The following ITGAX variants were observed in gnomAD, a reference collection of about 807,000 sequenced individuals.
ITGAX encodes the protein integrin subunit alpha X.
In ITGAX, 99 loss-of-function variants were observed where a neutral mutation model predicts 140.2. That is an observed-to-expected ratio of 0.71 (90% CI 0.60 to 0.83). The LOEUF (loss-of-function observed/expected upper bound fraction) is 0.83. Ranked by LOEUF, ITGAX falls within the 40% of genes least tolerant of loss-of-function variation. The probability of loss-of-function intolerance (pLI) is 0.00; values close to 1 mark genes in which losing one functional copy is unlikely to be tolerated. For synonymous variants in ITGAX, 631 were observed against 600.4 expected, an observed-to-expected ratio of 1.05 and a Z score of -0.75; for missense variants, 1,444 against 1,482.0, an observed-to-expected ratio of 0.97 and a Z score of 0.42.
Position 31,362,179 on chromosome 16 carries a change from T to C in ITGAX, c.1191T>C (p.Asn397=), listed in dbSNP as rs202066072. Residue 397 remains asparagine (N), a synonymous_variant, in exon 11 of 30, where the codon AAT becomes AAC. Transcript: ENST00000268296. ...CCTTCATCAACATGTCTCAGGAGAA[T>C]GTGGACATGAGGGACTCTTACCTGG... ...SPTFINMSQE[N]VDMRDSYLGY... The C allele has an allele frequency of 4.8e-5, 77 of 1,613,820 alleles. No homozygotes were observed. The highest frequency in any genetic ancestry group is 6.3e-5 in the Non-Finnish European group (74 of 1,179,928).
intron 17 of ITGAX, 122 bp downstream of exon 17, chr16:31,371,906 G>A: frequency 2.5e-6 from 3 of 1,196,694 alleles, no homozygotes; most frequent in Non-Finnish European, 2.3e-6. Context: ...CAGCCATGCA[G>A]GACGTGCTTA....
In ITGAX at chr16:31,380,077, T is replaced by C; in HGVS notation, c.3060+12T>C. 6.2e-7 allele frequency: 1 copy of C among 1,612,006 alleles called. No homozygotes were observed. The highest frequency in any genetic ancestry group is 8.5e-7 in the Non-Finnish European group (1 of 1,178,186). ...AGAATCCCGTGCTGGTGAGGAGGGC[T>C]CTGGGCTGGCCCTCACTGTAGGCCC... On this transcript the variant is annotated intron_variant, in intron 26 of 29. Transcript: ENST00000268296.
chr16:31,379,674 G>C, intron 24 of ITGAX, 28 bp downstream of exon 24: 1 of 1,571,164 alleles, frequency 6.4e-7, no homozygotes, highest in Non-Finnish European at 8.6e-7. Flanking sequence ...AGGAGACTGG[G>C]CTGGGGTGGG....
In ITGAX at chr16:31,355,937, A is replaced by G. The variant is rs2080754782; in HGVS notation, c.82A>G (p.Thr28Ala). 2 of 1,613,914 alleles carry G rather than the reference A, an allele frequency of 1.2e-6. No individual in the cohort carries two copies. Among genetic ancestry groups the G allele is most frequent in the Non-Finnish European group, 1.7e-6 (2 of 1,179,880 alleles). The change falls in exon 2 of 30, where the codon ACA becomes GCA. Residue 28 changes from threonine (T) to alanine (A), a missense_variant. Coordinates refer to ENST00000268296, the MANE Select transcript of ITGAX (RefSeq NM_000887.5). Reference protein sequence around the residue: ...LGFNLDTEELTAFRVDSAGFG... With the variant: ...LGFNLDTEELAAFRVDSAGFG... Reference sequence around the variant, plus strand: ...TTTCAACTTGGACACAGAGGAGCTGACAGCCTTCCGTGTGGACAGCGCTGG... The same window carrying G: ...TTTCAACTTGGACACAGAGGAGCTGGCAGCCTTCCGTGTGGACAGCGCTGG...
At position 31,382,385 on chromosome 16, in the gene ITGAX, A is replaced by G; in HGVS notation, c.*478A>G. The G allele has an allele frequency of 1.3e-6, 2 of 1,501,280 alleles. No homozygotes were observed. The highest frequency in any genetic ancestry group is 2.4e-5 in the South Asian group (2 of 83,320). 93.0% of individuals were successfully genotyped at this position (1,501,280 alleles called of 1,614,324 possible). A position where few individuals can be genotyped will look rare whatever the true frequency, so the allele number is the denominator to read the frequency against. On this transcript the variant is annotated 3_prime_UTR_variant, in exon 30 of 30. Coordinates refer to ENST00000268296, the MANE Select transcript of ITGAX (RefSeq NM_000887.5). Reference sequence around the variant, plus strand: ...CTCAGCCTCCTGAGTAGCTGGGACTACAGGCACACGCCACCTCGCCCGGCC... The same window carrying G: ...CTCAGCCTCCTGAGTAGCTGGGACTGCAGGCACACGCCACCTCGCCCGGCC...
intron 14 of ITGAX, among the ~76,000 whole-genome samples, chr16:31,369,727 C>T (rs1008074154): frequency 6.6e-6 from 1 of 152,186 alleles, no homozygotes; most frequent in Non-Finnish European, 1.5e-5. Flanking sequence ...TAGACTCCCT[C>T]AGTAATTGGT....
rs1212314515 is a variant in ITGAX, at chr16:31,363,306, G to A, written c.1642G>A (p.Glu548Lys). The change falls in exon 14 of 30, where the codon GAG (glutamate) becomes AAG (lysine). Residue 548 changes from glutamate to lysine, a missense_variant. Coordinates refer to ENST00000268296, the MANE Select transcript of ITGAX (RefSeq NM_000887.5). ...GGTCATCGGGGCCCCAGGAGAGGAGGAGAACCGGGGTGCTGTCTACCTGTT... is the reference window on the plus strand; with the variant it reads ...GGTCATCGGGGCCCCAGGAGAGGAGAAGAACCGGGGTGCTGTCTACCTGTT... The part of the protein sequence containing the change: ...DVVIGAPGEE[E>K]NRGAVYLFHG... 2 of 1,614,052 alleles carry A rather than the reference G, an allele frequency of 1.2e-6. No homozygotes were observed. The highest frequency in any genetic ancestry group is 1.7e-6 in the Non-Finnish European group (2 of 1,179,948).
chr16:31,371,390 C>T lies in ITGAX; in HGVS notation c.1898C>T (p.Pro633Leu). 3 of 1,614,206 alleles carry T rather than the reference C, an allele frequency of 1.9e-6. No homozygotes were observed. Among genetic ancestry groups the T allele is most frequent in the Non-Finnish European group, 2.5e-6 (3 of 1,180,032 alleles). ...ATGCAGTTCATACCTGCCGAGATCC[C>T]CAGGTCTGCGTTTGAGTGTCGGGAG... ...VSMQFIPAEI[P>L]RSAFECREQV... The change falls in exon 16 of 30, where the codon CCC (proline) becomes CTC (leucine). Residue 633 changes from proline to leucine, a missense_variant. Transcript: ENST00000268296.
At chr16:31,369,418 A>G (rs1450095662) in intron 14 of ITGAX, among the ~76,000 whole-genome samples, 3 of 152,212 alleles carry the variant, frequency 2.0e-5, no homozygotes, top group African/African-American at 4.8e-5. Context: ...AAGAAGCTCT[A>G]CTGTGGCCAA....
chr16:31,372,708 G>A (rs367681129), intron 19 of ITGAX, 38 bp downstream of exon 19: 1,045 of 1,585,160 alleles, frequency 6.6e-4, no homozygotes, highest in Non-Finnish European at 8.6e-4. Flanking sequence ...TACTGCCCCA[G>A]CCTCCTTCCT....
chr16:31,362,985 C>T lies in ITGAX; in HGVS notation c.1410C>T (p.Asp470=), dbSNP rs147598964. 2,631 of 1,611,572 alleles carry T rather than the reference C, an allele frequency of 1.6e-3. 5 individuals are homozygous for T. Among genetic ancestry groups the T allele is most frequent in the Middle Eastern group, 2.0e-3 (9 of 4,496 alleles). ...TCTGCTCCGTGGACGTAGACAGCGA[C>T]GGCAGCACCGACCTGGTCCTCATCG... is the stretch of plus-strand genomic sequence containing the variant. ...ASLCSVDVDS[D]GSTDLVLIGA... is the part of the protein sequence containing the mutation. The change falls in exon 13 of 30, where the codon GAC becomes GAT. Residue 470 remains aspartate, a synonymous_variant. Coordinates refer to ENST00000268296, the MANE Select transcript of ITGAX (RefSeq NM_000887.5).
chr16:31,357,783 G>A, intron 5 of ITGAX: 1 of 412,532 alleles, frequency 2.4e-6, no homozygotes, highest in Admixed American at 4.3e-5. Flanking sequence ...CCGTAGTTTA[G>A]GAAAGGTCAG....
Position 31,361,856 on chromosome 16 carries a change from A to G in ITGAX, c.1033A>G (p.Ser345Gly). 6.2e-7 allele frequency: 1 copy of G among 1,614,066 alleles called. No individual in the cohort carries two copies. The highest frequency in any genetic ancestry group is 8.5e-7 in the Non-Finnish European group (1 of 1,179,992). ...CCCAGGTACGGAGACCACAAGCAGT[A>G]GCTCCTTCGAATTGGAGATGGCACA... The part of the protein sequence containing the change: ...AIEGTETTSS[S>G]SFELEMAQEG... The change falls in exon 10 of 30, where the codon AGC (serine) becomes GGC (glycine). Residue 345 changes from serine (S) to glycine (G), a missense_variant. Coordinates refer to ENST00000268296, the MANE Select transcript of ITGAX (RefSeq NM_000887.5).
chr16:31,368,899 T>A (rs2080921349), intron 14 of ITGAX, among the ~76,000 whole-genome samples: 2 of 152,110 alleles, frequency 1.3e-5, no homozygotes, highest in South Asian at 4.1e-4. Context: ...ACACAGCACA[T>A]GTTTCAGAGA....
Position 31,361,886 on chromosome 16 carries a change from G to T in ITGAX, c.1063G>T (p.Gly355Cys), listed in dbSNP as rs1368114148. The change falls in exon 10 of 30, where the codon GGC becomes TGC. Residue 355 changes from glycine to cysteine, a missense_variant. Gly to Cys is a radical substitution (Grantham distance 159). Coordinates refer to ENST00000268296, the MANE Select transcript of ITGAX (RefSeq NM_000887.5). ...CTTCGAATTGGAGATGGCACAGGAG[G>T]GCTTCAGCGCTGTGTTCACACCTGT... ...SSFELEMAQE[G>C]FSAVFTPDGP... 3 of 1,614,062 alleles carry T rather than the reference G, an allele frequency of 1.9e-6. No individual in the cohort carries two copies. Among genetic ancestry groups the T allele is most frequent in the Admixed American group, 3.3e-5 (2 of 60,020 alleles).
intron 7 of ITGAX, 96 bp from the exon 8 acceptor site, chr16:31,360,214 C>A: frequency 6.6e-7 from 1 of 1,514,904 alleles, no homozygotes; most frequent in Non-Finnish European, 8.9e-7. Flanking sequence ...GGACTGGGGC[C>A]TCCCAAAGGA....
At chr16:31,377,803 G>A (rs2081034195) in intron 23 of ITGAX, among the ~76,000 whole-genome samples, 1 of 152,246 alleles carries the variant, frequency 6.6e-6, no homozygotes, top group Non-Finnish European at 1.5e-5. Flanking sequence ...TGACTCTGTG[G>A]GTTAGGGCAC....
At chr16:31,379,096 G>A (rs1048052143) in intron 23 of ITGAX, among the ~76,000 whole-genome samples, 5 of 151,496 alleles carry the variant, frequency 3.3e-5, no homozygotes, top group African/African-American at 4.9e-5. Context: ...GATTATAGGC[G>A]TGAGCACTGT....
chr16:31,381,169 T>G (rs2081066171), intron 29 of ITGAX, among the ~76,000 whole-genome samples, 162 bp downstream of exon 29: 1 of 152,204 alleles, frequency 6.6e-6, no homozygotes, highest in African/African-American at 2.4e-5. Flanking sequence ...AGTGGCCCCC[T>G]GCTTTGTGAT....
Sources: allele counts gnomAD v4.1 joint callset (sites outside exome capture counted in the v4.1 genomes callset), GRCh38; gene constraint gnomAD v4.1.1; transcripts MANE v1.5; gene names NCBI Gene and HGNC (gene_info 2026-07-23, HGNC 2026-07-21).